Variants in DPP3 observed in about 807,000 individuals in gnomAD.
The protein encoded by DPP3 is dipeptidyl peptidase 3, also known as DPP III.
In DPP3, 64 loss-of-function variants were observed where a neutral mutation model predicts 89.8. The observed-to-expected ratio is 0.71, with a 90% CI of 0.58 to 0.88. The LOEUF (loss-of-function observed/expected upper bound fraction) is 0.88, where lower values mean the gene tolerates loss of function less well. DPP3 is among the 40% of genes least tolerant of loss of function. The pLI is 0.00. For missense variants in DPP3, 835 were observed against 972.5 expected, an observed-to-expected ratio of 0.86 and a Z score of 1.88; for synonymous variants, 377 against 404.3, an observed-to-expected ratio of 0.93 and a Z score of 0.81.
At chr11:66,504,894 C>A (rs1406518515) in intron 17 of DPP3, 120 bp downstream of exon 17, 5 of 1,131,400 alleles carry the variant, frequency 4.4e-6, no homozygotes, top group Non-Finnish European at 5.9e-6. Context: ...TGGGATGGCC[C>A]TTCCCTTTCT....
In DPP3 at chr11:66,504,627, G is replaced by A; in HGVS notation, c.1894G>A (p.Gly632Arg). Residue 632 changes from glycine (G) to arginine (R), a missense_variant, in exon 17 of 18, where the codon GGG becomes AGG. Physicochemically the swap from Gly to Arg is moderately radical, Grantham distance 125. Coordinates refer to ENST00000531863, the MANE Select transcript of DPP3 (RefSeq NM_130443.4). ...CTTCTCACAGGTGCTGAAGTCCACA[G>A]GGGATGTGGCCGGAGGGCGGGCCCT... ...LRRLQVLKST[G>R]DVAGGRALYE... 1 of 1,611,364 alleles carries A rather than the reference G, an allele frequency of 6.2e-7. No homozygotes were observed. The highest frequency in any genetic ancestry group is 8.5e-7 in the Non-Finnish European group (1 of 1,178,820).
chr11:66,490,772 GTTT>G (rs1188892393), intron 6 of DPP3, among the ~76,000 whole-genome samples: 1 of 131,906 alleles, frequency 7.6e-6, no homozygotes, highest in Admixed American at 7.5e-5. Context: ...TTTTTGTTTT[GTTT>G]TTTTTTTTTT....
chr11:66,507,601 C>T (rs778803605), intron 17 of DPP3, among the ~76,000 whole-genome samples: 4 of 151,538 alleles, frequency 2.6e-5, no homozygotes, highest in African/African-American at 7.3e-5. Context: ...TATCCGGGAA[C>T]GTTCTGGGGA....
At chr11:66,488,388 C>T (rs1165601115) in intron 6 of DPP3, among the ~76,000 whole-genome samples, 1 of 152,120 alleles carries the variant, frequency 6.6e-6, no homozygotes, top group Non-Finnish European at 1.5e-5. Flanking sequence ...ATGGTGAAAC[C>T]CCATCTCTAC....
At position 66,480,474 on chromosome 11, in the gene DPP3, C is replaced by A. The variant is rs200748186; in HGVS notation, c.-9+9C>A. ...CGGAGCAGCTGCTGCAGGTGAGGCG[C>A]GGCGCCTGGGCTTTTGGGGTCAAAG... On this transcript the variant is annotated intron_variant, in intron 1 of 17. Transcript: ENST00000531863. 6.7e-7 allele frequency: 1 copy of A among 1,488,402 alleles called. No homozygotes were observed. Among genetic ancestry groups the A allele is most frequent in the South Asian group, 1.3e-5 (1 of 78,770 alleles). 92.2% of individuals were successfully genotyped at this position (1,488,402 alleles called of 1,614,324 possible).
intron 12 of DPP3, among the ~76,000 whole-genome samples, chr11:66,494,731 T>C (rs561627850): frequency 3.3e-5 from 5 of 152,284 alleles, no homozygotes; most frequent in African/African-American, 9.6e-5. Context: ...GGCACTGTCC[T>C]CGGAAGATGG....
chr11:66,488,402 A>G (rs937791378), intron 6 of DPP3, among the ~76,000 whole-genome samples: 3 of 152,126 alleles, frequency 2.0e-5, no homozygotes, highest in Non-Finnish European at 4.4e-5. Flanking sequence ...TCTCTACTAA[A>G]AATACAGAAA....
chr11:66,495,441 G>A lies in DPP3; in HGVS notation c.1529G>A (p.Arg510Gln). The change falls in exon 14 of 18, where the codon CGG (arginine) becomes CAG (glutamine). Residue 510 changes from arginine to glutamine, a missense_variant. Arg to Gln is a conservative substitution (Grantham distance 43). Coordinates refer to ENST00000531863, the MANE Select transcript of DPP3 (RefSeq NM_130443.4). ...STIASSYEEC[R>Q]AESVGLYLCL... Reference sequence around the variant, plus strand: ...ATCGCCTCCAGCTACGAAGAGTGCCGGGCTGAGAGCGTGGGTCTCTACCTC... The same window carrying A: ...ATCGCCTCCAGCTACGAAGAGTGCCAGGCTGAGAGCGTGGGTCTCTACCTC... The A allele has an allele frequency of 1.9e-6, 3 of 1,612,080 alleles. No individual in the cohort carries two copies. Among genetic ancestry groups the A allele is most frequent in the African/African-American group, 1.3e-5 (1 of 75,026 alleles).
intron 1 of DPP3, chr11:66,481,991 G>A: frequency 1.4e-6 from 1 of 699,444 alleles, no homozygotes; most frequent in South Asian, 1.9e-5. Context: ...ACCAAATATG[G>A]TCCACCAGTG....
Position 66,491,378 on chromosome 11 carries a change from G to C in DPP3, c.793G>C (p.Ala265Pro). 1.2e-6 allele frequency: 2 copies of C among 1,613,656 alleles called. No homozygotes were observed. Among genetic ancestry groups the C allele is most frequent in the Non-Finnish European group, 1.7e-6 (2 of 1,179,758 alleles). ...GAAGGTGGTGGAGCAGCTGGAGAAA[G>C]CCAAGGTTGGACTGGCTGGGGGCTG... ...LQKVVEQLEK[A>P]KAYAANSHQG... The change falls in exon 7 of 18, where the codon GCC becomes CCC. Residue 265 changes from alanine (A) to proline (P), a missense_variant. Transcript: ENST00000531863.
intron 2 of DPP3, among the ~76,000 whole-genome samples, chr11:66,484,853 C>T (rs558902251): frequency 6.6e-6 from 1 of 152,258 alleles, no homozygotes; most frequent in African/African-American, 2.4e-5. Context: ...GGAGGTGCTG[C>T]TGGAACTGGG....
intron 10 of DPP3, 24 bp downstream of exon 10, chr11:66,492,934 C>G (rs200247930): frequency 1.3e-6 from 2 of 1,597,890 alleles, no homozygotes; most frequent in African/African-American, 1.3e-5. Context: ...GCCCAGCCCC[C>G]GAGCCCCAGA....
intron 6 of DPP3, among the ~76,000 whole-genome samples, chr11:66,489,992 G>A (rs1300818309): frequency 6.6e-6 from 1 of 152,068 alleles, no homozygotes; most frequent in Non-Finnish European, 1.5e-5. Context: ...CAGGAGGAGG[G>A]AACACAGATC....
intron 9 of DPP3, 148 bp downstream of exon 9, chr11:66,491,904 T>C: frequency 1.1e-6 from 1 of 878,546 alleles, no homozygotes; most frequent in East Asian, 2.4e-5. Flanking sequence ...CCGTTTACAA[T>C]GTATTGGGCA....
At chr11:66,490,619 T>TACC (rs1337980244) in intron 6 of DPP3, among the ~76,000 whole-genome samples, 1 of 152,136 alleles carries the variant, frequency 6.6e-6, no homozygotes, top group Non-Finnish European at 1.5e-5. Context: ...CTCGGTGCCT[T>TACC]AGTTTCCCAT....
chr11:66,495,509 G>C lies in DPP3; in HGVS notation c.1577+20G>C, dbSNP rs764293023. 17 of 1,609,804 alleles carry C rather than the reference G, an allele frequency of 1.1e-5. No individual in the cohort carries two copies. In the South Asian group the frequency reaches 1.7e-4, roughly 16 times the overall value. ...GCTGGAGTAAGAGCAGCAGGGCCGA[G>C]GGGCGGGCTGTCCCGCTGCAGTGGC... On this transcript the variant is annotated intron_variant, in intron 14 of 17. Coordinates refer to ENST00000531863, the MANE Select transcript of DPP3 (RefSeq NM_130443.4).
chr11:66,485,098 G>C, intron 2 of DPP3, 75 bp from the exon 3 acceptor site: 1 of 1,388,766 alleles, frequency 7.2e-7, no homozygotes, highest in Non-Finnish European at 1.0e-6. Context: ...TGGGGCATTC[G>C]CATCTCAGGA....
rs752639715 is a variant in DPP3, at chr11:66,493,081, C to G, written c.1198C>G (p.Gln400Glu). 2.5e-6 allele frequency: 4 copies of G among 1,614,188 alleles called. No homozygotes were observed. The South Asian group carries it at 3.3e-5, about 13-fold the overall frequency. The change falls in exon 11 of 18, where the codon CAG (glutamine) becomes GAG (glutamate). Residue 400 changes from glutamine to glutamate, a missense_variant. Gln to Glu is a conservative substitution (Grantham distance 29, BLOSUM62 2). Coordinates refer to ENST00000531863, the MANE Select transcript of DPP3 (RefSeq NM_130443.4). ...INIPNYDDLR[Q>E]TEGFKNVSLG... ...ACCTTCTCCAGACGATGATCTGAGG[C>G]AGACGGAAGGCTTTAAGAACGTGTC... is the stretch of plus-strand genomic sequence containing the variant.
At chr11:66,499,312 G>A (rs925417673) in intron 16 of DPP3, among the ~76,000 whole-genome samples, 10 of 149,502 alleles carry the variant, frequency 6.7e-5, no homozygotes, top group Non-Finnish European at 1.5e-4. Context: ...GCAGTGAGCC[G>A]AGATTGCGCC....
Sources: gnomAD v4.1 joint callset for allele counts (sites outside exome capture counted in the v4.1 genomes callset) on GRCh38, gnomAD v4.1.1 for gene constraint, MANE v1.5 for transcripts, NCBI Gene and HGNC (gene_info 2026-07-23, HGNC 2026-07-21) for gene names.